The following STRN4 variants were observed in gnomAD, a reference collection of about 807,000 sequenced individuals.
STRN4 encodes striatin-4.
STRN4 carries 27 observed loss-of-function variants against 77.9 expected under a neutral mutation model. The ratio of observed to expected loss-of-function variants is 0.35; its 90% CI spans 0.26 to 0.48. The LOEUF is 0.48. STRN4 is among the 20% of genes least tolerant of loss of function. The pLI, the probability that STRN4 is intolerant of heterozygous loss-of-function variation, is 0.99. For missense variants in STRN4, 798 were observed against 1,049.7 expected (o/e 0.76, Z 3.31); for synonymous variants, 466 against 443.1 (o/e 1.05, Z -0.65).
At chr19:46,729,419 T>C (rs1281529142) in intron 6 of STRN4, among the ~76,000 whole-genome samples, 1 of 152,088 alleles carries the variant, frequency 6.6e-6, no homozygotes. Context: ...CCCTTCCACA[T>C]GTCAGCCCCC....
intron 6 of STRN4, among the ~76,000 whole-genome samples, chr19:46,729,822 G>C (rs950123236): frequency 6.6e-6 from 1 of 152,220 alleles, no homozygotes; most frequent in African/African-American, 2.4e-5. Context: ...CAACAACTCA[G>C]ACGGAGGGAC....
At position 46,727,903 on chromosome 19, in the gene STRN4, G is replaced by A. The variant is rs777579288; in HGVS notation, c.1144C>T (p.Pro382Ser). 5 of 1,605,672 alleles carry A rather than the reference G, an allele frequency of 3.1e-6. No individual in the cohort carries two copies. The African/African-American group carries it at 5.3e-5, about 17-fold the overall frequency. Residue 382 changes from proline (P) to serine (S), a missense_variant, in exon 8 of 18, where the codon CCA becomes TCA. Physicochemically the swap from Pro to Ser is moderately conservative, Grantham distance 74. Around this residue, in one of 2 missense-constraint regions of STRN4, gnomAD observed 511 missense variants for 575.9 expected, o/e 0.89. Coordinates refer to ENST00000263280, the MANE Select transcript of STRN4 (RefSeq NM_013403.3). ...GGGGGGTGCCTCTTACCTTCATGTG[G>A]CCGGGGCTGGGGTGTGCCAGGAGGC... ...GPPPGTPQPR[P>S]HEDVFIMDTI...
chr19:46,719,880 C>T lies in STRN4; in HGVS notation c.*525G>A, dbSNP rs147440123. 4 of 152,348 alleles carry T rather than the reference C, an allele frequency of 2.6e-5. No individual in the cohort carries two copies. Among genetic ancestry groups the T allele is most frequent in the African/African-American group, 7.2e-5 (3 of 41,548 alleles). The allele number at this position is 152,348 out of a possible 1,614,324, so 9.4% of individuals were successfully genotyped here. A position where few individuals can be genotyped will look rare whatever the true frequency, so the allele number is the denominator to read the frequency against. ...CTAGGAGTGTTGGGCAATCCCTGGC[C>T]TGGAAGCCTTGGTTAGTGTCTGGAA... On this transcript the variant is annotated 3_prime_UTR_variant, in exon 18 of 18. Transcript: ENST00000263280.
Position 46,738,975 on chromosome 19 carries a change from G to T in STRN4, c.283-87C>A. The T allele has an allele frequency of 8.9e-7, 1 of 1,129,730 alleles. No individual in the cohort carries two copies. The highest frequency in any genetic ancestry group is 1.3e-6 in the Non-Finnish European group (1 of 756,800). The allele number at this position is 1,129,730 out of a possible 1,614,324, so 70.0% of individuals were successfully genotyped here. A position where few individuals can be genotyped will look rare whatever the true frequency, so the allele number is the denominator to read the frequency against. ...TATCACTCACCCAGGTATAGTGCCA[G>T]CCCACAGTCACCCCACAGTAATGGG... On this transcript the variant is annotated intron_variant, in intron 1 of 17. Coordinates refer to ENST00000263280, the MANE Select transcript of STRN4 (RefSeq NM_013403.3). The surrounding 1 kb of genome is among the most constrained non-coding windows in gnomAD (Gnocchi z 4.5).
At chr19:46,727,729 CAA>C (rs2054152871) in intron 8 of STRN4, 163 bp downstream of exon 8, 1 of 768,160 alleles carries the variant, frequency 1.3e-6, no homozygotes, top group Non-Finnish European at 2.1e-6. Flanking sequence ...GCAGGACAGA[CAA>C]AAAGAGAGGG....
chr19:46,737,490 C>T (rs2054390396), intron 3 of STRN4, among the ~76,000 whole-genome samples: 1 of 152,158 alleles, frequency 6.6e-6, no homozygotes, highest in Admixed American at 6.5e-5. Flanking sequence ...CAGCTGAGCA[C>T]ACAAGGTCTT....
chr19:46,737,655 C>A (rs1233302210), intron 3 of STRN4, among the ~76,000 whole-genome samples: 1 of 152,086 alleles, frequency 6.6e-6, no homozygotes, highest in Admixed American at 6.5e-5. Context: ...GACTCTCCTG[C>A]TGGGGAACGG....
chr19:46,730,617 C>G, intron 6 of STRN4, 115 bp downstream of exon 6: 1 of 1,485,366 alleles, frequency 6.7e-7, no homozygotes. Flanking sequence ...CTGTGTGTCT[C>G]CATATCCCTG....
intron 4 of STRN4, chr19:46,736,552 C>CA (rs777686904): frequency 0.013 from 644 of 48,978 alleles, 28 homozygotes; most frequent in African/African-American, 0.04. Flanking sequence ...GCCACTGAGA[C>CA]AAAAAAAAAA....
intron 15 of STRN4, 24 bp downstream of exon 15, chr19:46,722,218 C>G (rs755492677): frequency 1.2e-6 from 2 of 1,611,084 alleles, no homozygotes. Context: ...CCACCCACTA[C>G]GAGCACAAGG....
intron 12 of STRN4, 134 bp downstream of exon 12, chr19:46,724,673 G>T: frequency 7.4e-7 from 1 of 1,357,680 alleles, no homozygotes; most frequent in Non-Finnish European, 1.0e-6. Flanking sequence ...TCACAACAGA[G>T]CAGACAGGGG....
At chr19:46,744,999 T>C (rs1210326328) in intron 1 of STRN4, among the ~76,000 whole-genome samples, 2 of 152,004 alleles carry the variant, frequency 1.3e-5, no homozygotes, top group East Asian at 3.9e-4. Context: ...CGGGGTCTTT[T>C]CCCAAGACTT....
At position 46,746,422 on chromosome 19, in the gene STRN4, C is replaced by G; in HGVS notation, c.9G>C (p.Glu3Asp). The change falls in exon 1 of 18, where the codon GAG (glutamate) becomes GAC (aspartate). Residue 3 changes from glutamate (E) to aspartate (D), a missense_variant. Physicochemically the swap from Glu to Asp is conservative, Grantham distance 45 (BLOSUM62 2). Coordinates refer to ENST00000263280, the MANE Select transcript of STRN4 (RefSeq NM_013403.3). ...CGGCGACCGCGGCGGCCGCTCGCTC[C>G]TCCATCATGGAGGCCCCGGGGCCGG... is the stretch of plus-strand genomic sequence containing the variant. MM[E>D]ERAAAAVAAA... 2.9e-6 allele frequency: 3 copies of G among 1,033,124 alleles called. No homozygotes were observed. Among genetic ancestry groups the G allele is most frequent in the Non-Finnish European group, 3.5e-6 (3 of 863,810 alleles). 64.0% of individuals were successfully genotyped at this position (1,033,124 alleles called of 1,614,324 possible).
chr19:46,720,757 G>A lies in STRN4; in HGVS notation c.2107C>T (p.Leu703=). ...FLMSGSHDCS[L]RLWSLDNKTC... ...TTGTTGTCCAGGCTCCAGAGACGCAGGGAGCAGTCATGGCCTGCACATGTG... is the reference window on the plus strand; with the variant it reads ...TTGTTGTCCAGGCTCCAGAGACGCAAGGAGCAGTCATGGCCTGCACATGTG... Residue 703 remains leucine (L), a synonymous_variant, in exon 17 of 18, where the codon CTG becomes TTG. Coordinates refer to ENST00000263280, the MANE Select transcript of STRN4 (RefSeq NM_013403.3). 3 of 1,599,220 alleles carry A rather than the reference G, an allele frequency of 1.9e-6. No individual in the cohort carries two copies. Among genetic ancestry groups the A allele is most frequent in the Admixed American group, 1.7e-5 (1 of 58,786 alleles).
In STRN4 at chr19:46,722,275, C is replaced by T. The variant is rs1295103541; in HGVS notation, c.1972G>A (p.Asp658Asn). The part of the protein sequence containing the change: ...NQPLTITAHD[D>N]RGIRFLDNRT... ...TTGTCCAGGAAGCGGATGCCCCTGTCGTCGTGGGCGGTGATGGTGAGAGGC... is the reference window on the plus strand; with the variant it reads ...TTGTCCAGGAAGCGGATGCCCCTGTTGTCGTGGGCGGTGATGGTGAGAGGC... Residue 658 changes from aspartate to asparagine, a missense_variant, in exon 15 of 18, where the codon GAC becomes AAC. By Grantham distance (23) the Asp-to-Asn change is conservative. This residue lies in a region of STRN4 where 287 missense variants were observed against 473.8 expected (regional missense o/e 0.61). Transcript: ENST00000263280. 6 of 1,614,170 alleles carry T rather than the reference C, an allele frequency of 3.7e-6. No individual in the cohort carries two copies. Among genetic ancestry groups the T allele is most frequent in the East Asian group, 2.2e-5 (1 of 44,874 alleles).
chr19:46,746,102 C>A, intron 1 of STRN4, 47 bp downstream of exon 1: 1 of 1,373,676 alleles, frequency 7.3e-7, no homozygotes, highest in Admixed American at 3.0e-5. Flanking sequence ...TGAGGCCGGG[C>A]CGGGCCGGGC....
At chr19:46,734,295 G>A (rs1314273307) in intron 4 of STRN4, among the ~76,000 whole-genome samples, 1 of 152,230 alleles carries the variant, frequency 6.6e-6, no homozygotes, top group African/African-American at 2.4e-5. Flanking sequence ...GCCAACAGGT[G>A]GAAAATGTTT....
At chr19:46,732,946 G>A in intron 5 of STRN4, 93 bp downstream of exon 5, 1 of 1,463,510 alleles carries the variant, frequency 6.8e-7, no homozygotes, top group Non-Finnish European at 9.2e-7. Context: ...GGGCCGCCAG[G>A]GCACCCAGCG....
rs779462821 is a variant in STRN4, at chr19:46,724,789, G to A, written c.1594+18C>T. Reference sequence around the variant, plus strand: ...GCCCCAGTGGATGTGAGGGGAAGGCGGGAGGCGTTGTCCTCACCGTAGCCA... The same window carrying A: ...GCCCCAGTGGATGTGAGGGGAAGGCAGGAGGCGTTGTCCTCACCGTAGCCA... On this transcript the variant is annotated intron_variant, in intron 12 of 17. Coordinates refer to ENST00000263280, the MANE Select transcript of STRN4 (RefSeq NM_013403.3). 29 of 1,613,768 alleles carry A rather than the reference G, an allele frequency of 1.8e-5. No individual in the cohort carries two copies. Among genetic ancestry groups the A allele is most frequent in the Admixed American group, 6.7e-5 (4 of 60,002 alleles).
Sources: allele counts gnomAD v4.1 joint callset (sites outside exome capture counted in the v4.1 genomes callset), GRCh38; gene constraint gnomAD v4.1.1; regional missense constraint gnomAD v4.1.1; non-coding constraint Gnocchi (gnomAD v3.1); transcripts MANE v1.5; gene names NCBI Gene and HGNC (gene_info 2026-07-23, HGNC 2026-07-21).